Variants in FAM200B observed in about 807,000 individuals in gnomAD.
The protein encoded by FAM200B is protein FAM200B.
FAM200B carries 32 observed loss-of-function variants against 33.1 expected under a neutral mutation model. The ratio of observed to expected loss-of-function variants is 0.97; its 90% confidence interval spans 0.73 to 1.30. FAM200B has a LOEUF of 1.30. FAM200B is among the 50% of genes most tolerant of loss of function. FAM200B has a pLI of 0.00. For missense variants in FAM200B, 741 were observed against 754.0 expected, an observed-to-expected ratio of 0.98 and a Z score of 0.20; for synonymous variants, 240 against 264.8, an observed-to-expected ratio of 0.91 and a Z score of 0.91.
At chr4:15,682,793 C>G (rs1056003407) in intron 1 of FAM200B, among the ~76,000 whole-genome samples, 2 of 152,140 alleles carry the variant, frequency 1.3e-5, no homozygotes, top group Non-Finnish European at 2.9e-5. Flanking sequence ...TGTGACCCAA[C>G]AAGAGTATTC....
rs541991139 is a variant in FAM200B at position 15,688,618 on chromosome 4, A to G, written c.1641A>G (p.Glu547=). 2.6e-6 allele frequency: 4 copies of G among 1,551,268 alleles called. No homozygotes were observed. The South Asian group carries it at 3.6e-5, about 14-fold the overall frequency. The change falls in exon 2 of 2, where the codon GAA becomes GAG. Residue 547 remains glutamate, a synonymous_variant. Transcript: ENST00000422728. ...VKDPFAFRHP[E]SIIELNLVPE... ...ATCCATTTGCTTTTCGACACCCTGA[A>G]TCAATAATTGAGCTAAACTTGGTGC...
chr4:15,660,860 T>C, the FAM200B span, among the ~76,000 whole-genome samples: 1 of 152,072 alleles, frequency 6.6e-6, no homozygotes, highest in African/African-American at 2.4e-5. Flanking sequence ...GCGGATCACT[T>C]CAGGTCAGGA....
chr4:15,638,495 A>T, the FAM200B span: 1 of 1,553,402 alleles, frequency 6.4e-7, no homozygotes, highest in Non-Finnish European at 8.6e-7. Flanking sequence ...TTCTTTATAT[A>T]TATGAATCTC....
the FAM200B span, chr4:15,644,461 T>C: frequency 6.4e-7 from 1 of 1,563,748 alleles, no homozygotes; most frequent in South Asian, 1.1e-5. Context: ...GGCACAAGTT[T>C]TGACAGTTGA....
In FAM200B at chr4:15,687,894, A is replaced by G. The variant is rs1719035288; in HGVS notation, c.917A>G (p.His306Arg). 3.9e-6 allele frequency: 6 copies of G among 1,551,006 alleles called. No homozygotes were observed. The highest frequency in any genetic ancestry group is 5.2e-6 in the Non-Finnish European group (6 of 1,146,520). ...SDGTATMTGK[H>R]SRVIKKLLEV... is the part of the protein sequence containing the mutation. ...GGCACAGCAACCATGACTGGAAAAC[A>G]TAGCAGAGTAATTAAAAAATTACTA... The change falls in exon 2 of 2, where the codon CAT (histidine) becomes CGT (arginine). Residue 306 changes from histidine to arginine, a missense_variant. Coordinates refer to ENST00000422728, the MANE Select transcript of FAM200B (RefSeq NM_001145191.2).
At chr4:15,676,255 CGCATAAAAA>C in the FAM200B span, among the ~76,000 whole-genome samples, 1 of 151,988 alleles carries the variant, frequency 6.6e-6, no homozygotes, top group African/African-American at 2.4e-5. Flanking sequence ...TATAAACTAC[CGCATAAAAA>C]GCATAAGAAG....
the FAM200B span, among the ~76,000 whole-genome samples, chr4:15,670,212 A>G: frequency 6.6e-6 from 1 of 152,236 alleles, no homozygotes; most frequent in South Asian, 2.1e-4. Flanking sequence ...GGTCATTACA[A>G]ATAGAGCTAC....
At chr4:15,654,728 G>A in the FAM200B span, among the ~76,000 whole-genome samples, 1 of 152,244 alleles carries the variant, frequency 6.6e-6, no homozygotes, top group Non-Finnish European at 1.5e-5. Flanking sequence ...GCAGAGGATG[G>A]GTGGGTGTCT....
At chr4:15,639,838 G>A in the FAM200B span, among the ~76,000 whole-genome samples, 1 of 152,122 alleles carries the variant, frequency 6.6e-6, no homozygotes, top group Non-Finnish European at 1.5e-5. Flanking sequence ...ATATCAATTT[G>A]ATTATAAGGT....
At chr4:15,682,050 G>A (rs1034488005) in intron 1 of FAM200B, 149 bp downstream of exon 1, 3 of 152,434 alleles carry the variant, frequency 2.0e-5, no homozygotes, top group Admixed American at 6.5e-5. Context: ...CGGGCCTGAA[G>A]GGCGATTATT....
rs1718840506 is a variant in FAM200B at position 15,686,283 on chromosome 4, C to G, written c.-695C>G. The G allele has an allele frequency of 6.6e-6, 1 of 152,162 alleles. No homozygotes were observed. The highest frequency in any genetic ancestry group is 1.9e-4 in the East Asian group (1 of 5,196). The allele number at this position is 152,162 out of a possible 1,614,324, so 9.4% of individuals were successfully genotyped here. On this transcript the variant is annotated 5_prime_UTR_variant, in exon 2 of 2. Coordinates refer to ENST00000422728, the MANE Select transcript of FAM200B (RefSeq NM_001145191.2). ...GTTCTATAAAAATATACCATCAACT[C>G]CAACCTGATATTTGACCTAGCCATG...
chr4:15,678,056 G>A (rs1409238833), upstream of FAM200B, among the ~76,000 whole-genome samples: 1 of 151,892 alleles, frequency 6.6e-6, no homozygotes, highest in Non-Finnish European at 1.5e-5. Flanking sequence ...TGGGCGGGTG[G>A]GTGTGTTTCA....
chr4:15,641,330 T>A, the FAM200B span, among the ~76,000 whole-genome samples: 96,425 of 151,622 alleles, frequency 0.64, 30,758 homozygotes, highest in Non-Finnish European at 0.65. Flanking sequence ...GTTCACTTAA[T>A]TACCGATTTT....
the FAM200B span, among the ~76,000 whole-genome samples, chr4:15,663,264 G>C: frequency 6.6e-6 from 1 of 152,032 alleles, no homozygotes; most frequent in Non-Finnish European, 1.5e-5. Context: ...AATACACTAA[G>C]TACTCCACTG....
At chr4:15,644,836 AT>A in the FAM200B span, 2 of 640,472 alleles carry the variant, frequency 3.1e-6, no homozygotes, top group Non-Finnish European at 5.3e-6. Context: ...TAAAGTACAA[AT>A]AAAAGAAATT....
the FAM200B span, among the ~76,000 whole-genome samples, chr4:15,640,121 G>A: frequency 6.6e-6 from 1 of 152,270 alleles, no homozygotes; most frequent in Non-Finnish European, 1.5e-5. Context: ...GCTCACTGCA[G>A]TCTCAACCTC....
chr4:15,679,522 AATCT>A (rs1718122475), upstream of FAM200B, among the ~76,000 whole-genome samples: 1 of 151,638 alleles, frequency 6.6e-6, no homozygotes, highest in Admixed American at 6.6e-5. Context: ...AATATCCTTG[AATCT>A]ATCTAGAGAA....
the FAM200B span, among the ~76,000 whole-genome samples, chr4:15,666,613 A>C: frequency 6.6e-6 from 1 of 152,028 alleles, no homozygotes; most frequent in Admixed American, 6.6e-5. Flanking sequence ...ATAATAATAA[A>C]TATTTCAAAA....
the FAM200B span, among the ~76,000 whole-genome samples, chr4:15,645,631 C>T: frequency 2.0e-5 from 3 of 151,744 alleles, no homozygotes; most frequent in East Asian, 5.8e-4. Flanking sequence ...GTTTCACCAT[C>T]TTGGCCAGGC....
Sources: gnomAD v4.1 joint callset for allele counts (sites outside exome capture counted in the v4.1 genomes callset) on GRCh38, gnomAD v4.1.1 for gene constraint, MANE v1.5 for transcripts, NCBI Gene and HGNC (gene_info 2026-07-23, HGNC 2026-07-21) for gene names.